Variants in USP28 observed in about 807,000 individuals in gnomAD.
USP28 encodes the protein ubiquitin specific peptidase 28, also known as ubiquitin carboxyl-terminal hydrolase 28.
In USP28, 113 loss-of-function variants were observed where a neutral mutation model predicts 145.0. The observed-to-expected ratio is 0.78, with a 90% CI of 0.67 to 0.91. USP28 has a LOEUF of 0.91. Ranked by LOEUF, USP28 falls within the 40% of genes least tolerant of loss-of-function variation. USP28 has a pLI of 0.00. For missense variants in USP28, 1,201 were observed against 1,289.6 expected (o/e 0.93, Z 1.05); for synonymous variants, 447 against 450.9 (o/e 0.99, Z 0.11).
intron 11 of USP28, among the ~76,000 whole-genome samples, 186 bp downstream of exon 11, chr11:113,827,046 AG>A (rs2135843861): frequency 6.6e-6 from 1 of 152,232 alleles, no homozygotes; most frequent in Admixed American, 6.5e-5. Flanking sequence ...TCCGGAGATC[AG>A]AAGCAACATG....
At chr11:113,871,262 G>A (rs983606440) in intron 1 of USP28, among the ~76,000 whole-genome samples, 1 of 152,176 alleles carries the variant, frequency 6.6e-6, no homozygotes, top group Non-Finnish European at 1.5e-5. Flanking sequence ...AAATCCTAGG[G>A]GATGTGAATG....
exon 25 of USP28, chr11:113,799,056 G>GA: frequency 1.7e-6 from 1 of 604,136 alleles, no homozygotes. Context: ...CAGCTTTTAT[G>GA]ATTTTGTACC....
intron 18 of USP28, among the ~76,000 whole-genome samples, chr11:113,807,165 C>G (rs890387422): frequency 5.3e-5 from 8 of 152,024 alleles, no homozygotes; most frequent in African/African-American, 1.7e-4. Flanking sequence ...CTCCGCCTCC[C>G]GGGTTCAAGC....
In USP28 at chr11:113,851,842, T is replaced by C. The variant is rs534024126; in HGVS notation, c.268+659A>G. ...AATACAGTCCCCAGCACTCTTTTTTTCATTTCTTTCTTCTGTCCTTTTTCT... is the reference window on the plus strand; with the variant it reads ...AATACAGTCCCCAGCACTCTTTTTTCCATTTCTTTCTTCTGTCCTTTTTCT... On this transcript the variant is annotated intron_variant, in intron 3 of 24. Transcript: ENST00000003302. Among the ~76,000 whole-genome samples, 163 of 58,600 alleles carry C rather than the reference T, an allele frequency of 2.8e-3. 1 individual carries two copies. The highest frequency in any genetic ancestry group is 0.01 in the Middle Eastern group (1 of 98). 38.4% of individuals were successfully genotyped at this position (58,600 alleles called of 152,430 possible). A position where few individuals can be genotyped will look rare whatever the true frequency, so the allele number is the denominator to read the frequency against.
intron 12 of USP28, among the ~76,000 whole-genome samples, chr11:113,822,076 T>C (rs1422988217): frequency 2.0e-5 from 3 of 152,340 alleles, no homozygotes; most frequent in African/African-American, 4.8e-5. Flanking sequence ...TCCTGGTAAA[T>C]TGGTATTTTT....
In USP28 at chr11:113,827,382, TGAGA is replaced by T. The variant is rs765445512; in HGVS notation, c.1060-26_1060-23del. On this transcript the variant is annotated intron_variant, in intron 10 of 24. Transcript: ENST00000003302. ...AACGCTAGTGTCAAGAGTAGAAATG[TGAGA>T]GAAAGAAAAATTAATTTTAGGAAAT... 15 of 1,553,732 alleles carry T rather than the reference TGAGA, an allele frequency of 9.7e-6. No homozygotes were observed. The African/African-American group carries it at 2.2e-4, about 22-fold the overall frequency.
rs564676107 is a variant in USP28 at position 113,842,204 on chromosome 11, C to T, written c.269-436G>A. 5.3e-5 allele frequency among the ~76,000 whole-genome samples: 8 copies of T among 151,922 alleles called. No individual in the cohort carries two copies. In the South Asian group the frequency reaches 8.3e-4, roughly 16 times the overall value. On this transcript the variant is annotated intron_variant, in intron 3 of 24. Transcript: ENST00000003302. ...AGAGAAAGAAAAAGTGAAACTCACACGTGATACAAAATACTCACAGATACA... is the reference window on the plus strand; with the variant it reads ...AGAGAAAGAAAAAGTGAAACTCACATGTGATACAAAATACTCACAGATACA...
At chr11:113,808,662 C>T (rs146766059) in intron 17 of USP28, among the ~76,000 whole-genome samples, 293 of 152,320 alleles carry the variant, frequency 1.9e-3, no homozygotes, top group African/African-American at 6.4e-3. Context: ...ACAGATGATT[C>T]TGTAAAATTT....
intron 24 of USP28, among the ~76,000 whole-genome samples, chr11:113,799,833 A>G (rs1938625668): frequency 6.6e-6 from 1 of 151,488 alleles, no homozygotes; most frequent in Non-Finnish European, 1.5e-5. Flanking sequence ...TGATGAGGTT[A>G]AAAAAAAATT....
intron 1 of USP28, among the ~76,000 whole-genome samples, chr11:113,857,331 C>CA (rs1252341847): frequency 6.6e-6 from 1 of 152,166 alleles, no homozygotes; most frequent in Non-Finnish European, 1.5e-5. Context: ...TGTAGCTTTG[C>CA]AAGAAAATCT....
chr11:113,874,141 GAAA>G (rs552125095), intron 1 of USP28, among the ~76,000 whole-genome samples: 5 of 83,416 alleles, frequency 6.0e-5, no homozygotes, highest in Non-Finnish European at 1.2e-4. Context: ...ACTCCGTCTG[GAAA>G]AAAAAAAAAA....
intron 12 of USP28, chr11:113,822,586 T>C (rs917874846): frequency 2.7e-5 from 4 of 149,650 alleles, no homozygotes; most frequent in Admixed American, 6.7e-5. Context: ...ATAGCTGGGA[T>C]TATAGGCACA....
intron 16 of USP28, among the ~76,000 whole-genome samples, chr11:113,810,333 A>G (rs942681138): frequency 1.3e-5 from 2 of 152,216 alleles, no homozygotes; most frequent in African/African-American, 4.8e-5. Context: ...GATATCAATG[A>G]CATATAAAAT....
chr11:113,852,308 A>G (rs1028783908), intron 3 of USP28, among the ~76,000 whole-genome samples, 193 bp downstream of exon 3: 9 of 152,204 alleles, frequency 5.9e-5, no homozygotes, highest in African/African-American at 1.9e-4. Context: ...GATTACAGGC[A>G]TGAGCCACTG....
At chr11:113,815,089 AG>A (rs1591197339) in intron 14 of USP28, 84 bp downstream of exon 14, 5 of 1,176,806 alleles carry the variant, frequency 4.2e-6, no homozygotes, top group Middle Eastern at 2.5e-4. Context: ...CAGTAATGTC[AG>A]GAAGTGTACC....
At chr11:113,799,918 A>G (rs1417548548) in intron 24 of USP28, among the ~76,000 whole-genome samples, 1 of 152,228 alleles carries the variant, frequency 6.6e-6, no homozygotes, top group Non-Finnish European at 1.5e-5. Flanking sequence ...TAAAAACTGA[A>G]GACAGTAAAG....
At chr11:113,875,363 A>G (rs1949272878) in intron 1 of USP28, 82 bp downstream of exon 1, 3 of 1,094,540 alleles carry the variant, frequency 2.7e-6, no homozygotes, top group Non-Finnish European at 3.4e-6. Context: ...GCAGCCCGCA[A>G]CCCGCAGCCC....
intron 16 of USP28, 94 bp from the exon 17 acceptor site, chr11:113,809,348 C>T: frequency 8.1e-7 from 1 of 1,237,376 alleles, no homozygotes; most frequent in Non-Finnish European, 1.1e-6. Flanking sequence ...CTTTATCTTA[C>T]TCCTAACTAA....
intron 18 of USP28, among the ~76,000 whole-genome samples, chr11:113,807,616 CA>C (rs1004572444): frequency 6.6e-6 from 1 of 151,444 alleles, no homozygotes; most frequent in East Asian, 1.9e-4. Context: ...GACTAATATC[CA>C]AAAAAAAGAT....
Sources: allele counts gnomAD v4.1 joint callset (sites outside exome capture counted in the v4.1 genomes callset), GRCh38; gene constraint gnomAD v4.1.1; transcripts MANE v1.5; gene names NCBI Gene and HGNC (gene_info 2026-07-23, HGNC 2026-07-21).